The following GPC4 variants were observed in gnomAD, a reference collection of about 807,000 sequenced individuals.
GPC4 encodes glypican-4.
Under a neutral mutation model 35.0 loss-of-function variants are expected in GPC4, and 10 were observed. The observed-to-expected ratio is 0.29, with a 90% CI of 0.18 to 0.48. The LOEUF (loss-of-function observed/expected upper bound fraction) is 0.48. GPC4 is among the 20% of genes least tolerant of loss of function. GPC4 has a pLI of 0.99. For missense variants in GPC4, 322 were observed against 451.3 expected (o/e 0.71, Z 2.60); for synonymous variants, 167 against 170.2 (o/e 0.98, Z 0.15).
intron 1 of GPC4, among the ~76,000 whole-genome samples, chrX:133,367,833 A>G (rs2068596425): frequency 8.9e-6 from 1 of 112,236 alleles, no homozygotes; most frequent in Admixed American, 9.4e-5. Context: ...GTGCCACTGC[A>G]CTCCGGGTAA....
intron 2 of GPC4, among the ~76,000 whole-genome samples, chrX:133,335,444 AACAC>A (rs758852903): frequency 1.8e-5 from 2 of 110,835 alleles, no homozygotes; most frequent in Non-Finnish European, 3.8e-5. Context: ...CCCAAATCCG[AACAC>A]ACACACACAT....
In GPC4 at chrX:133,337,888, T is replaced by C. The variant is rs142849268; in HGVS notation, c.319+1295A>G. 6.2e-4 allele frequency among the ~76,000 whole-genome samples: 68 copies of C among 110,295 alleles called. 1 individual carries two copies. Among genetic ancestry groups the C allele is most frequent in the African/African-American group, 2.1e-3 (65 of 30,380 alleles). Reference sequence around the variant, plus strand: ...CATATATGTAGGGGGATATGGGTAATAAGAAGGATATACAGATATATAAAT... The same window carrying C: ...CATATATGTAGGGGGATATGGGTAACAAGAAGGATATACAGATATATAAAT... On this transcript the variant is annotated intron_variant, in intron 2 of 8. Transcript: ENST00000370828.
At chrX:133,377,500 T>C (rs2068639197) in intron 1 of GPC4, among the ~76,000 whole-genome samples, 1 of 112,327 alleles carries the variant, frequency 8.9e-6, no homozygotes, top group Non-Finnish European at 1.9e-5. Context: ...ATGCTATGTG[T>C]TTCCAGTCTT....
At chrX:133,398,497 G>A (rs2266812) in intron 1 of GPC4, among the ~76,000 whole-genome samples, 45,676 of 110,692 alleles carry the variant, frequency 0.41, 7,791 homozygotes, top group African/African-American at 0.64. Context: ...GCCAGGCCCC[G>A]TGGCTCACGC....
intron 2 of GPC4, among the ~76,000 whole-genome samples, chrX:133,331,338 C>T (rs1196706546): frequency 2.7e-5 from 3 of 111,586 alleles, no homozygotes; most frequent in Admixed American, 1.9e-4. Flanking sequence ...GTTTCAGACA[C>T]GTATAAGTAA....
At chrX:133,344,191 G>GTTTTTTTTTTTTTTTTTTTTT (rs747976050) in intron 1 of GPC4, among the ~76,000 whole-genome samples, 3 of 38,891 alleles carry the variant, frequency 7.7e-5, no homozygotes, top group Non-Finnish European at 1.0e-4. Flanking sequence ...TTTCTTTCTG[G>GTTTTTTTTTTTTTTTTTTTTT]TTTTTTTTTT....
rs1194668286 is a variant in GPC4 at position 133,301,764 on chromosome X, C to A, written c.*1103G>T. ...TCTCTTAAAACAAAAACTGGGATCC[C>A]AAAACAAATGGAGATACACATGCAC... is the stretch of plus-strand genomic sequence containing the variant. On this transcript the variant is annotated 3_prime_UTR_variant, in exon 9 of 9. Coordinates refer to ENST00000370828, the MANE Select transcript of GPC4 (RefSeq NM_001448.3). 8.9e-6 allele frequency: 1 copy of A among 111,892 alleles called. No homozygotes were observed. The highest frequency in any genetic ancestry group is 1.9e-5 in the Non-Finnish European group (1 of 53,203). The allele number at this position is 111,892 out of a possible 1,213,427, so 9.2% of individuals were successfully genotyped here.
At chrX:133,311,554 G>A (rs774268921) in intron 3 of GPC4, 131 bp from the exon 4 acceptor site, 1 of 591,424 alleles carries the variant, frequency 1.7e-6, no homozygotes, top group East Asian at 3.5e-5. Flanking sequence ...CAATTAGTAA[G>A]CCTGGACTGC....
chrX:133,377,877 C>CTTTTTTTTTTCTTTTTTT (rs2068641616), intron 1 of GPC4, among the ~76,000 whole-genome samples: 16 of 86,184 alleles, frequency 1.9e-4, no homozygotes, highest in East Asian at 3.7e-4. Context: ...TTTTCTTTTT[C>CTTTTTTTTTTCTTTTTTT]TTTTTTTTTT....
intron 1 of GPC4, among the ~76,000 whole-genome samples, chrX:133,390,170 A>T (rs1205409720): frequency 4.5e-5 from 5 of 111,202 alleles, no homozygotes; most frequent in Non-Finnish European, 9.4e-5. Context: ...GTCTCAAAAA[A>T]GCTCCACAGC....
intron 1 of GPC4, among the ~76,000 whole-genome samples, chrX:133,377,889 CTTTTTTTTTTTTTTTTT>C (rs1319056597): frequency 1.4e-5 from 1 of 72,804 alleles, no homozygotes; most frequent in Non-Finnish European, 2.6e-5. Flanking sequence ...TTTTTTTTTT[CTTTTTTTTTTTTTTTTT>C]GCTTTTGATT....
At chrX:133,394,754 A>G (rs1438443027) in intron 1 of GPC4, among the ~76,000 whole-genome samples, 1 of 111,781 alleles carries the variant, frequency 8.9e-6, no homozygotes, top group African/African-American at 3.3e-5. Flanking sequence ...AAAGACAGGA[A>G]GAGTTTGATT....
chrX:133,356,730 C>A (rs762469270), intron 1 of GPC4, among the ~76,000 whole-genome samples: 11 of 111,559 alleles, frequency 9.9e-5, no homozygotes, highest in Non-Finnish European at 1.3e-4. Context: ...CCAAATAAAT[C>A]TCTTTTCTTT....
In GPC4 at chrX:133,304,659, C is replaced by T. The variant is rs147626572; in HGVS notation, c.1292+66G>A. 5.7e-3 allele frequency: 6,626 copies of T among 1,157,989 alleles called. 209 individuals are homozygous for T. The African/African-American group carries it at 0.1, about 18-fold the overall frequency. ...TGCCTCGGTTGACAATTGAGAGAAC[C>T]CTCTCTGAAGGTCACCCAGGCATCT... On this transcript the variant is annotated intron_variant, in intron 7 of 8. Coordinates refer to ENST00000370828, the MANE Select transcript of GPC4 (RefSeq NM_001448.3).
chrX:133,332,418 G>A (rs1337902896), intron 2 of GPC4, among the ~76,000 whole-genome samples: 4 of 106,525 alleles, frequency 3.8e-5, no homozygotes, highest in Admixed American at 1.0e-4. Context: ...TTTTTTTTTC[G>A]AGACAGAGTC....
chrX:133,409,320 TAAAAAAAAAAAAAAAAAA>T (rs36008423), intron 1 of GPC4, among the ~76,000 whole-genome samples: 10 of 31,796 alleles, frequency 3.1e-4, no homozygotes, highest in Non-Finnish European at 4.7e-4. Flanking sequence ...GACCCTGCCT[TAAAAAAAAAAAAAAAAAA>T]AAAAAAAAAA....
intron 2 of GPC4, among the ~76,000 whole-genome samples, chrX:133,336,263 G>A (rs1285736817): frequency 2.2e-4 from 24 of 111,227 alleles, no homozygotes; most frequent in African/African-American, 7.2e-4. Context: ...CGCCAGGCGC[G>A]GTGGCTCATG....
rs200197353 is a variant in GPC4, at chrX:133,399,408, CA to C, written c.160+15397del. Among the ~76,000 whole-genome samples the C allele has an allele frequency of 6.0e-3, 674 of 111,972 alleles. 5 individuals carry two copies. Among genetic ancestry groups the C allele is most frequent in the African/African-American group, 0.021 (639 of 30,820 alleles). The stretch of plus-strand genomic sequence containing the variant: ...TGTGAACCTGAAAGAGCCAATCCTT[CA>C]AGGTGGATCCCAAGTGGTTAACTAG... On this transcript the variant is annotated intron_variant, in intron 1 of 8. Coordinates refer to ENST00000370828, the MANE Select transcript of GPC4 (RefSeq NM_001448.3).
intron 1 of GPC4, among the ~76,000 whole-genome samples, chrX:133,404,546 C>CAAAAAAAAAAAAAAAAAAAAAAAAAAAAA (rs766777711): frequency 5.4e-5 from 2 of 37,374 alleles, no homozygotes; most frequent in African/African-American, 3.4e-4. Flanking sequence ...GACTCTGCCT[C>CAAAAAAAAAAAAAAAAAAAAAAAAAAAAA]AAAAAAAAAA....
Sources: gnomAD v4.1 joint callset for allele counts (sites outside exome capture counted in the v4.1 genomes callset) on GRCh38, gnomAD v4.1.1 for gene constraint, MANE v1.5 for transcripts, NCBI Gene and HGNC (gene_info 2026-07-23, HGNC 2026-07-21) for gene names.